DYSF: variants seen among roughly 807,000 people sequenced by gnomAD.
DYSF encodes the protein dystrophy-associated fer-1-like 1.
Under a neutral mutation model 274.9 loss-of-function variants are expected in DYSF, and 212 were observed. That is an observed-to-expected ratio of 0.77 (90% CI 0.69 to 0.86). The LOEUF is 0.86. DYSF is among the 40% of genes least tolerant of loss of function. DYSF has a pLI of 0.00. For missense variants in DYSF, 2,666 were observed against 2,783.2 expected, an observed-to-expected ratio of 0.96 and a Z score of 0.95; for synonymous variants, 1,091 against 1,078.7, an observed-to-expected ratio of 1.01 and a Z score of -0.22.
intron 17 of DYSF, among the ~76,000 whole-genome samples, chr2:71,546,811 G>A (rs1450353496): frequency 6.6e-6 from 1 of 152,382 alleles, no homozygotes; most frequent in South Asian, 2.1e-4. Flanking sequence ...CGAGAGTCAG[G>A]CAGCCAGCCG....
chr2:71,568,106 TCTG>T (rs1297155710), intron 25 of DYSF, 24 bp downstream of exon 25: 50 of 1,614,078 alleles, frequency 3.1e-5, no homozygotes, highest in Non-Finnish European at 4.2e-5. Flanking sequence ...AGCCCCCACC[TCTG>T]CCTCCCACTA....
chr2:71,669,570 A>G (rs2152956466), intron 50 of DYSF, 35 bp from the exon 51 acceptor site: 1 of 1,613,942 alleles, frequency 6.2e-7, no homozygotes, highest in Non-Finnish European at 8.5e-7. Context: ...TGGAAATCTT[A>G]ATGAGAACTA....
chr2:71,682,327 G>A (rs2095306539), intron 54 of DYSF, among the ~76,000 whole-genome samples: 1 of 152,122 alleles, frequency 6.6e-6, no homozygotes, highest in Non-Finnish European at 1.5e-5. Flanking sequence ...GAGGAGGGCA[G>A]CACAGGTGGG....
chr2:71,515,480 T>C, intron 7 of DYSF, 143 bp from the exon 8 acceptor site: 1 of 1,223,276 alleles, frequency 8.2e-7, no homozygotes, highest in Non-Finnish European at 1.2e-6. Flanking sequence ...GTTCGTATAA[T>C]GCTCTTCCTA....
chr2:71,593,739 T>C (rs1180184578), intron 32 of DYSF, among the ~76,000 whole-genome samples: 1 of 152,108 alleles, frequency 6.6e-6, no homozygotes, highest in African/African-American at 2.4e-5. Context: ...GTTGGAGGGA[T>C]CATAAGCTCT....
chr2:71,569,791 C>G (rs1559181581), intron 26 of DYSF, 29 bp from the exon 27 acceptor site: 1 of 1,577,490 alleles, frequency 6.3e-7, no homozygotes, highest in Admixed American at 1.7e-5. Flanking sequence ...AGCAGAGCAG[C>G]AGAGACTCTG....
At chr2:71,465,804 C>G (rs1286125902), upstream of DYSF, among the ~76,000 whole-genome samples, 4 of 152,096 alleles carry the variant, frequency 2.6e-5, no homozygotes, top group Non-Finnish European at 1.5e-5. Context: ...GCCAGGGCCC[C>G]TGTGTCAAGA....
chr2:71,603,662 A>T (rs2093594500), intron 36 of DYSF, among the ~76,000 whole-genome samples: 1 of 152,070 alleles, frequency 6.6e-6, no homozygotes, highest in Admixed American at 6.6e-5. Context: ...CCGCCAAGTG[A>T]GCTCGCTGTA....
rs372478548 is a variant in DYSF at position 71,534,993 on chromosome 2, C to A, written c.1381-28C>A. ...GCCCAGAGTCCCCATGGAGCTTGATCAACTTGTCCCCTCCCTGTGTCTTCT... is the reference window on the plus strand; with the variant it reads ...GCCCAGAGTCCCCATGGAGCTTGATAAACTTGTCCCCTCCCTGTGTCTTCT... On this transcript the variant is annotated intron_variant, in intron 14 of 55. Transcript: ENST00000410020. 4.3e-6 allele frequency: 7 copies of A among 1,613,500 alleles called. No homozygotes were observed. The African/African-American group carries it at 9.3e-5, about 22-fold the overall frequency.
intron 3 of DYSF, among the ~76,000 whole-genome samples, chr2:71,500,764 C>T (rs75002115): frequency 6.6e-6 from 1 of 152,034 alleles, no homozygotes; most frequent in African/African-American, 2.4e-5. Context: ...GCTCTCTGGT[C>T]CATGAGGCCT....
At chr2:71,612,570 G>A in intron 38 of DYSF, 71 bp from the exon 39 acceptor site, 2 of 1,592,020 alleles carry the variant, frequency 1.3e-6, no homozygotes, top group Non-Finnish European at 8.6e-7. Flanking sequence ...GTCATTTTCT[G>A]CTCTTTGGGC....
upstream of DYSF, among the ~76,000 whole-genome samples, chr2:71,465,164 CAG>C (rs2081450808): frequency 1.3e-5 from 2 of 152,120 alleles, no homozygotes; most frequent in East Asian, 3.9e-4. Flanking sequence ...ATCCGGTAAA[CAG>C]GGGAACTTGG....
rs2152937726 is a variant in DYSF, at chr2:71,656,215, T to C, written c.4680T>C (p.Phe1560=). 1.2e-6 allele frequency: 2 copies of C among 1,614,228 alleles called. No homozygotes were observed. Among genetic ancestry groups the C allele is most frequent in the Non-Finnish European group, 1.7e-6 (2 of 1,180,046 alleles). ...AGGCCTTTGAGGGCCTGTCTGACTT[T>C]TGTAACACCTTCAAGCTGTACCGGG... is the stretch of plus-strand genomic sequence containing the variant. ...NVEAFEGLSD[F]CNTFKLYRGK... is the part of the protein sequence containing the mutation. The change falls in exon 43 of 56, where the codon TTT becomes TTC. Residue 1560 remains phenylalanine, a synonymous_variant. Transcript: ENST00000410020.
chr2:71,463,601 T>C (rs2081376437), upstream of DYSF, among the ~76,000 whole-genome samples: 1 of 152,228 alleles, frequency 6.6e-6, no homozygotes, highest in South Asian at 2.1e-4. Flanking sequence ...AGCAACTCCA[T>C]AGTATCATCC....
chr2:71,513,994 T>C (rs1573645344), intron 7 of DYSF, 73 bp downstream of exon 7: 1 of 1,553,466 alleles, frequency 6.4e-7, no homozygotes, highest in Non-Finnish European at 8.8e-7. Flanking sequence ...ACCTGCCTGG[T>C]TTGTCCAGCT....
chr2:71,558,610 C>T (rs2091494899), intron 22 of DYSF, among the ~76,000 whole-genome samples: 1 of 152,186 alleles, frequency 6.6e-6, no homozygotes, highest in Non-Finnish European at 1.5e-5. Flanking sequence ...ATATCTGAGA[C>T]CTGTGGGCCC....
At chr2:71,668,890 G>C (rs370025846) in intron 49 of DYSF, 48 bp downstream of exon 49, 6 of 1,574,828 alleles carry the variant, frequency 3.8e-6, no homozygotes, top group Non-Finnish European at 5.2e-6. Flanking sequence ...GGGTGGGGGC[G>C]TTGCAGCCTG....
intron 30 of DYSF, among the ~76,000 whole-genome samples, chr2:71,575,813 C>T (rs974845322): frequency 1.3e-5 from 2 of 150,316 alleles, no homozygotes; most frequent in African/African-American, 2.4e-5. Context: ...GGGAAGAACC[C>T]GAGAGGTGAA....
At chr2:71,681,432 T>G (rs1174262621) in intron 54 of DYSF, among the ~76,000 whole-genome samples, 1 of 152,200 alleles carries the variant, frequency 6.6e-6, no homozygotes, top group Non-Finnish European at 1.5e-5. Context: ...ATTTTACAGA[T>G]GAGGAACAAT....
Sources: allele counts gnomAD v4.1 joint callset (sites outside exome capture counted in the v4.1 genomes callset), GRCh38; gene constraint gnomAD v4.1.1; transcripts MANE v1.5; gene names NCBI Gene and HGNC (gene_info 2026-07-23, HGNC 2026-07-21).